The following NDOR1 variants were observed in gnomAD, a reference collection of about 807,000 sequenced individuals.
The protein encoded by NDOR1 is NADPH dependent diflavin oxidoreductase 1, also known as NADPH-dependent diflavin oxidoreductase 1.
In NDOR1, 61 loss-of-function variants were observed where a neutral mutation model predicts 67.2. The ratio of observed to expected loss-of-function variants is 0.91; its 90% CI spans 0.74 to 1.12. The LOEUF (loss-of-function observed/expected upper bound fraction) is 1.12, where lower values mean the gene tolerates loss of function less well. Among genes scored for constraint, NDOR1 ranks in the 50% most tolerant of loss-of-function variants. The pLI, the probability that NDOR1 is intolerant of heterozygous loss-of-function variation, is 0.00. For missense variants in NDOR1, 878 were observed against 802.8 expected (o/e 1.09, Z -1.13); for synonymous variants, 378 against 343.7 (o/e 1.10, Z -1.10).
At position 137,218,528 on chromosome 9, in the gene NDOR1, G is replaced by C. The variant is rs1251175638; in HGVS notation, c.*2112G>C. 1 of 400,858 alleles carries C rather than the reference G, an allele frequency of 2.5e-6. No individual in the cohort carries two copies. The highest frequency in any genetic ancestry group is 4.4e-5 in the Admixed American group (1 of 22,710). The allele number at this position is 400,858 out of a possible 1,614,324, so 24.8% of individuals were successfully genotyped here. On this transcript the variant is annotated 3_prime_UTR_variant, in exon 14 of 14. Transcript: ENST00000684003. ...GAGCCTGCTGGCCCTTGAGCTTCTG[G>C]GGCTGCTGCTGGTCTTCACGCCGCT... is the stretch of plus-strand genomic sequence containing the variant.
intron 10 of NDOR1, 22 bp from the exon 11 acceptor site, chr9:137,215,637 T>C (rs769128066): frequency 1.3e-5 from 21 of 1,579,242 alleles, no homozygotes; most frequent in Non-Finnish European, 1.6e-5. Context: ...ATCCTCTTCA[T>C]GCCACCTCCT....
chr9:137,218,693 A>G lies in NDOR1; in HGVS notation c.*2277A>G, dbSNP rs1025489966. 5.0e-6 allele frequency: 2 copies of G among 398,024 alleles called. No homozygotes were observed. Among genetic ancestry groups the G allele is most frequent in the Non-Finnish European group, 8.9e-6 (2 of 225,780 alleles). The allele number at this position is 398,024 out of a possible 1,614,324, so 24.7% of individuals were successfully genotyped here. On this transcript the variant is annotated 3_prime_UTR_variant, in exon 14 of 14. Transcript: ENST00000684003. The stretch of plus-strand genomic sequence containing the variant: ...CTGGGTGCTGTGAGGCCTGATGACC[A>G]GGCTGGAAAAACCCAAGGTTGGGTC...
chr9:137,213,155 G>A (rs1287744504), intron 3 of NDOR1, among the ~76,000 whole-genome samples: 2 of 152,178 alleles, frequency 1.3e-5, no homozygotes, highest in East Asian at 3.8e-4. Flanking sequence ...AAAAGAACGG[G>A]AAGATCGGAG....
chr9:137,206,397 C>A, intron 2 of NDOR1, 88 bp downstream of exon 2: 1 of 1,344,940 alleles, frequency 7.4e-7, no homozygotes, highest in Non-Finnish European at 1.1e-6. Context: ...CAGTAAATAG[C>A]TCTCCTTTAT....
chr9:137,208,374 C>A (rs1187158061), intron 2 of NDOR1, among the ~76,000 whole-genome samples: 15 of 152,030 alleles, frequency 9.9e-5, no homozygotes, highest in Non-Finnish European at 1.5e-4. Context: ...TGGCGTGAAC[C>A]CGGGAGGCGG....
At chr9:137,207,807 A>G (rs376081269) in intron 2 of NDOR1, among the ~76,000 whole-genome samples, 240 of 152,318 alleles carry the variant, frequency 1.6e-3, no homozygotes, top group African/African-American at 4.7e-3. Flanking sequence ...AGATTACAGG[A>G]GATCAGCAAC....
chr9:137,215,047 C>T (rs759804713), intron 8 of NDOR1, 29 bp downstream of exon 8: 4 of 1,612,408 alleles, frequency 2.5e-6, no homozygotes, highest in African/African-American at 2.7e-5. Context: ...AGGCCCAGCC[C>T]CTGAGCTACA....
At chr9:137,209,081 C>G in intron 2 of NDOR1, among the ~76,000 whole-genome samples, 1 of 152,012 alleles carries the variant, frequency 6.6e-6, no homozygotes, top group East Asian at 1.9e-4. Flanking sequence ...TCGGGTTTCA[C>G]CGTGTTAGCC....
At chr9:137,213,717 C>G in intron 3 of NDOR1, 63 bp from the exon 4 acceptor site, 1 of 1,527,906 alleles carries the variant, frequency 6.5e-7, no homozygotes, top group Non-Finnish European at 8.9e-7. Flanking sequence ...CCGGGTTCCA[C>G]TCTGCCTGGG....
chr9:137,215,906 C>G lies in NDOR1; in HGVS notation c.1443C>G (p.Phe481Leu), dbSNP rs1287775531. 1.2e-6 allele frequency: 2 copies of G among 1,613,540 alleles called. No individual in the cohort carries two copies. Among genetic ancestry groups the G allele is most frequent in the African/African-American group, 1.3e-5 (1 of 75,066 alleles). Residue 481 changes from phenylalanine to leucine, a missense_variant, in exon 12 of 14, where the codon TTC becomes TTG. Phe to Leu is a conservative substitution (Grantham distance 22). Transcript: ENST00000684003. ...ERVAQGQTGN[F>L]LFFGCRWRDQ... ...CACCCTGTATTTCCCTAGGAAACTT[C>G]TTGTTTTTTGGCTGCCGCTGGCGGG...
rs778468451 is a variant in NDOR1, at chr9:137,212,507, C to G, written c.219C>G (p.Phe73Leu). ...AGAGTTTCCTCCGGCTGTAGAACTT[C>G]TGGAGGTTTATATTCCGGAAGAACC... ...QGDPPDNMKN[F>L]WRFIFRKNLP... Residue 73 changes from phenylalanine (F) to leucine (L), a missense_variant, in exon 3 of 14, where the codon TTC (phenylalanine) becomes TTG (leucine). Transcript: ENST00000684003. The surrounding 1 kb of genome is among the most constrained non-coding windows in gnomAD (Gnocchi z 4.3). The G allele has an allele frequency of 1.2e-6, 2 of 1,614,056 alleles. No homozygotes were observed. The highest frequency in any genetic ancestry group is 1.7e-6 in the Non-Finnish European group (2 of 1,179,936).
intron 1 of NDOR1, 105 bp from the exon 2 acceptor site, chr9:137,206,127 C>A: frequency 6.7e-7 from 1 of 1,492,158 alleles, no homozygotes; most frequent in Non-Finnish European, 9.3e-7. Context: ...TCACATAAAT[C>A]CCTCTGCCCT....
Position 137,215,767 on chromosome 9 carries a change from G to A in NDOR1, c.1397G>A (p.Arg466Gln), listed in dbSNP as rs775100222. ...VGPGTGVAPF[R>Q]AAIQERVAQG... is the part of the protein sequence containing the mutation. ...CCTGGCACTGGGGTAGCCCCCTTCC[G>A]AGCAGCCATCCAGGAGCGTGTGGCC... The change falls in exon 11 of 14, where the codon CGA becomes CAA. Residue 466 changes from arginine to glutamine, a missense_variant. Coordinates refer to ENST00000684003, the MANE Select transcript of NDOR1 (RefSeq NM_014434.4). The A allele has an allele frequency of 5.8e-5, 93 of 1,598,034 alleles. No individual in the cohort carries two copies. The highest frequency in any genetic ancestry group is 7.1e-5 in the Non-Finnish European group (83 of 1,171,410).
chr9:137,215,151 C>G lies in NDOR1; in HGVS notation c.1122C>G (p.Asp374Glu), dbSNP rs141362766. 4 of 1,613,656 alleles carry G rather than the reference C, an allele frequency of 2.5e-6. No homozygotes were observed. The South Asian group carries it at 4.4e-5, about 18-fold the overall frequency. The change falls in exon 9 of 14, where the codon GAC (aspartate) becomes GAG (glutamate). Residue 374 changes from aspartate to glutamate, a missense_variant. By Grantham distance (45) the Asp-to-Glu change is conservative. Transcript: ENST00000684003. ...AAAIPPDYLL[D>E]LIPVIRPRAF... ...CCATCCCTCCCGACTACCTGTTGGA[C>G]CTCATCCCCGTTATCCGGCCGAGGG... is the stretch of plus-strand genomic sequence containing the variant.
Position 137,216,534 on chromosome 9 carries a change from T to A in NDOR1, c.*118T>A. ...CTCTCGGACCAGCCAGCTGGTCCTC[T>A]GGGAACAGCCAGCTCCCGAGCACAG... On this transcript the variant is annotated 3_prime_UTR_variant, in exon 14 of 14. Transcript: ENST00000684003. 1 of 1,335,552 alleles carries A rather than the reference T, an allele frequency of 7.5e-7. No individual in the cohort carries two copies. Among genetic ancestry groups the A allele is most frequent in the Non-Finnish European group, 1.0e-6 (1 of 997,214 alleles). The allele number at this position is 1,335,552 out of a possible 1,614,324, so 82.7% of individuals were successfully genotyped here.
rs1835444342 is a variant in NDOR1, at chr9:137,214,654, C to A, written c.807C>A (p.Asp269Glu). The A allele has an allele frequency of 6.2e-7, 1 of 1,607,340 alleles. No homozygotes were observed. ...VQRFCQVLGL[D>E]PDQLFMLQPR... ...GGTTCTGCCAGGTGCTGGGCCTGGA[C>A]CCTGACCAGCTCTTCATGCTGCAGC... is the stretch of plus-strand genomic sequence containing the variant. Residue 269 changes from aspartate (D) to glutamate (E), a missense_variant, in exon 7 of 14, where the codon GAC becomes GAA. By Grantham distance (45) the Asp-to-Glu change is conservative. Coordinates refer to ENST00000684003, the MANE Select transcript of NDOR1 (RefSeq NM_014434.4).
chr9:137,217,633 A>C lies in NDOR1; in HGVS notation c.*1217A>C, dbSNP rs2131380713. 4.8e-6 allele frequency: 1 copy of C among 209,466 alleles called. No individual in the cohort carries two copies. The highest frequency in any genetic ancestry group is 9.4e-6 in the Non-Finnish European group (1 of 106,104). The allele number at this position is 209,466 out of a possible 1,614,324, so 13.0% of individuals were successfully genotyped here. On this transcript the variant is annotated 3_prime_UTR_variant, in exon 14 of 14. Transcript: ENST00000684003. ...GGCCCAGGATCCACCCAGAGCAGGC[A>C]GGCCTTGCTGGGGCCCCAGTCAAGT...
rs574309067 is a variant in NDOR1, at chr9:137,217,205, G to A, written c.*789G>A. Reference sequence around the variant, plus strand: ...TGGGCGCCACGGTGCACCCTTGTTGGGCTGCCTGTGCCCGAGTGGCCTCTG... The same window carrying A: ...TGGGCGCCACGGTGCACCCTTGTTGAGCTGCCTGTGCCCGAGTGGCCTCTG... On this transcript the variant is annotated 3_prime_UTR_variant, in exon 14 of 14. Coordinates refer to ENST00000684003, the MANE Select transcript of NDOR1 (RefSeq NM_014434.4). Among the ~76,000 whole-genome samples, 1 of 152,260 alleles carries A rather than the reference G, an allele frequency of 6.6e-6. No homozygotes were observed. Among genetic ancestry groups the A allele is most frequent in the African/African-American group, 2.4e-5 (1 of 41,536 alleles).
At chr9:137,206,058 G>C (rs899515543) in intron 1 of NDOR1, 146 bp downstream of exon 1, 3 of 1,482,734 alleles carry the variant, frequency 2.0e-6, no homozygotes, top group African/African-American at 1.4e-5. Context: ...TTTGGGAAGG[G>C]GAGTTCAGTT....
Sources: allele counts gnomAD v4.1 joint callset (sites outside exome capture counted in the v4.1 genomes callset), GRCh38; gene constraint gnomAD v4.1.1; non-coding constraint Gnocchi (gnomAD v3.1); transcripts MANE v1.5; gene names NCBI Gene and HGNC (gene_info 2026-07-23, HGNC 2026-07-21).